The following HMGA2 variants were observed in gnomAD, a reference collection of about 807,000 sequenced individuals.
HMGA2 encodes high mobility group protein HMGI-C.
In HMGA2, 8 loss-of-function variants were observed where a neutral mutation model predicts 19.1. That is an observed-to-expected ratio of 0.42 (90% CI 0.25 to 0.76). The LOEUF (loss-of-function observed/expected upper bound fraction) is 0.76, where lower values mean the gene tolerates loss of function less well. HMGA2 is among the 30% of genes least tolerant of loss of function. The pLI is 0.28. For missense variants in HMGA2, 109 were observed against 136.3 expected (o/e 0.80, Z 1.00); for synonymous variants, 60 against 48.8 (o/e 1.23, Z -0.96).
chr12:65,904,808 G>A (rs557127384), intron 3 of HMGA2, among the ~76,000 whole-genome samples: 135 of 152,158 alleles, frequency 8.9e-4, no homozygotes, highest in African/African-American at 2.7e-3. Context: ...TTGGGAGGCC[G>A]AGGTGGGCAG....
intron 4 of HMGA2, chr12:65,958,832 T>C (rs535403226): frequency 2.6e-5 from 4 of 152,078 alleles, no homozygotes; most frequent in African/African-American, 9.6e-5. Context: ...AATAGAAGAG[T>C]TGCAGAATTC....
At chr12:65,927,772 A>G (rs1047567592) in intron 3 of HMGA2, among the ~76,000 whole-genome samples, 2 of 151,704 alleles carry the variant, frequency 1.3e-5, no homozygotes, top group Non-Finnish European at 2.9e-5. Flanking sequence ...ACCTGTCCTC[A>G]TAGAAAATAA....
chr12:65,878,535 G>A (rs1024718413), intron 3 of HMGA2, among the ~76,000 whole-genome samples: 2 of 152,174 alleles, frequency 1.3e-5, no homozygotes, highest in African/African-American at 4.8e-5. Context: ...ATCTAAATAT[G>A]TGTATTGCCA....
chr12:65,872,941 C>T (rs113670025), intron 3 of HMGA2, among the ~76,000 whole-genome samples: 3,487 of 152,230 alleles, frequency 0.023, 137 homozygotes, highest in African/African-American at 0.079. Flanking sequence ...CAGAAAGACC[C>T]GTTTTTCTGA....
intron 3 of HMGA2, among the ~76,000 whole-genome samples, chr12:65,839,699 G>T (rs1870909923): frequency 6.6e-6 from 1 of 152,158 alleles, no homozygotes; most frequent in Admixed American, 6.5e-5. Context: ...TGACCTTAAA[G>T]TAAGGATATT....
chr12:65,910,990 T>C lies in HMGA2; in HGVS notation c.250-40393T>C, dbSNP rs561706222. On this transcript the variant is annotated intron_variant, in intron 3 of 4. Transcript: ENST00000403681. ...CTTCCACCCCATTCTCTATTCACCT[T>C]TATCCTTTCAGCACTAGAGCCCCCA... Among the ~76,000 whole-genome samples, 44 of 152,296 alleles carry C rather than the reference T, an allele frequency of 2.9e-4. 1 individual carries two copies. The highest frequency in any genetic ancestry group is 2.5e-3 in the Admixed American group (39 of 15,296).
chr12:65,838,683 A>T (rs1870847840), intron 3 of HMGA2, 114 bp downstream of exon 3: 4 of 769,722 alleles, frequency 5.2e-6, no homozygotes, highest in Non-Finnish European at 8.9e-6. Flanking sequence ...TGGTTTGATG[A>T]ATCTTTGAAA....
At chr12:65,902,635 C>A (rs907102088) in intron 3 of HMGA2, among the ~76,000 whole-genome samples, 1 of 152,112 alleles carries the variant, frequency 6.6e-6, no homozygotes, top group Non-Finnish European at 1.5e-5. Flanking sequence ...CCATTTTCTG[C>A]AATAGATAGC....
chr12:65,921,893 C>T (rs1030467209), intron 3 of HMGA2, among the ~76,000 whole-genome samples: 1 of 152,228 alleles, frequency 6.6e-6, no homozygotes, highest in Admixed American at 6.5e-5. Flanking sequence ...AACCAACGTA[C>T]AGCTTGGGCT....
intron 3 of HMGA2, chr12:65,842,099 T>C: frequency 7.8e-7 from 1 of 1,288,906 alleles, no homozygotes; most frequent in Non-Finnish European, 1.0e-6. Context: ...AGGCTAGAGG[T>C]AAATTGGGTC....
At chr12:65,882,689 A>G (rs1424279785) in intron 3 of HMGA2, among the ~76,000 whole-genome samples, 1 of 152,208 alleles carries the variant, frequency 6.6e-6, no homozygotes, top group African/African-American at 2.4e-5. Flanking sequence ...TTGTTGTGAC[A>G]ATTAAATGAG....
intron 3 of HMGA2, chr12:65,948,537 G>A (rs1876344726): frequency 6.6e-6 from 1 of 152,146 alleles, no homozygotes; most frequent in Non-Finnish European, 1.5e-5. Context: ...TTCTACCAAA[G>A]CCATTCATAA....
intron 3 of HMGA2, among the ~76,000 whole-genome samples, chr12:65,870,452 C>T (rs1241178434): frequency 6.6e-6 from 1 of 152,134 alleles, no homozygotes; most frequent in Non-Finnish European, 1.5e-5. Context: ...CAGCTGGGGG[C>T]AGGCGTGGTG....
intron 3 of HMGA2, 98 bp from the exon 4 acceptor site, chr12:65,951,285 C>A: frequency 1.3e-6 from 1 of 752,368 alleles, no homozygotes; most frequent in Non-Finnish European, 2.2e-6. Context: ...TTTCCTCTTT[C>A]CTTTGCAGAC....
intron 3 of HMGA2, among the ~76,000 whole-genome samples, chr12:65,890,006 A>C (rs1006724359): frequency 6.6e-6 from 1 of 152,138 alleles, no homozygotes; most frequent in Non-Finnish European, 1.5e-5. Context: ...TTTCTTCTAT[A>C]ATTGCTACAA....
At chr12:65,858,301 C>T (rs2120958577) in intron 3 of HMGA2, 1 of 151,252 alleles carries the variant, frequency 6.6e-6, no homozygotes, top group South Asian at 2.1e-4. Context: ...TGTTTTGTGA[C>T]TGATTTTACA....
At position 65,964,203 on chromosome 12, in the gene HMGA2, A is replaced by G. The variant is rs1876836695; in HGVS notation, c.*911A>G. On this transcript the variant is annotated 3_prime_UTR_variant, in exon 5 of 5. Transcript: ENST00000403681. ...ATTTAATGAAAAGGTACAACAGAATAATGCATGATGAACTCACCTAATTAT... is the reference window on the plus strand; with the variant it reads ...ATTTAATGAAAAGGTACAACAGAATGATGCATGATGAACTCACCTAATTAT... 1 of 205,474 alleles carries G rather than the reference A, an allele frequency of 4.9e-6. No homozygotes were observed. Among genetic ancestry groups the G allele is most frequent in the African/African-American group, 2.3e-5 (1 of 43,836 alleles). 12.7% of individuals were successfully genotyped at this position (205,474 alleles called of 1,614,324 possible). A position where few individuals can be genotyped will look rare whatever the true frequency, so the allele number is the denominator to read the frequency against.
At position 65,965,272 on chromosome 12, in the gene HMGA2, G is replaced by A. The variant is rs1030002309; in HGVS notation, c.*1980G>A. On this transcript the variant is annotated 3_prime_UTR_variant, in exon 5 of 5. Transcript: ENST00000403681. The stretch of plus-strand genomic sequence containing the variant: ...GAAAATGCTTGACAAATATTTTCAT[G>A]TATTTTACACAAATGTGATTTTTGT... 2 of 202,948 alleles carry A rather than the reference G, an allele frequency of 9.9e-6. No individual in the cohort carries two copies. The highest frequency in any genetic ancestry group is 2.0e-5 in the Non-Finnish European group (2 of 98,594). 12.6% of individuals were successfully genotyped at this position (202,948 alleles called of 1,614,324 possible). A position where few individuals can be genotyped will look rare whatever the true frequency, so the allele number is the denominator to read the frequency against.
At chr12:65,883,965 A>C (rs1018985374) in intron 3 of HMGA2, among the ~76,000 whole-genome samples, 2 of 152,200 alleles carry the variant, frequency 1.3e-5, no homozygotes, top group Non-Finnish European at 2.9e-5. Context: ...TCCCAGGTTC[A>C]AGCAATTCTC....
Sources: allele counts gnomAD v4.1 joint callset (sites outside exome capture counted in the v4.1 genomes callset), GRCh38; gene constraint gnomAD v4.1.1; transcripts MANE v1.5; gene names NCBI Gene and HGNC (gene_info 2026-07-23, HGNC 2026-07-21).